HOOK3: variants seen among roughly 807,000 people sequenced by gnomAD.
HOOK3 encodes the protein hook microtubule tethering protein 3, also known as protein Hook homolog 3.
A neutral mutation model predicts 116.3 loss-of-function variants in HOOK3; 24 were observed. That is an observed-to-expected ratio of 0.21 (90% CI 0.15 to 0.29). The LOEUF (loss-of-function observed/expected upper bound fraction) is 0.29, where lower values mean the gene tolerates loss of function less well. Among genes scored for constraint, HOOK3 ranks in the 10% least tolerant of loss-of-function variants. The probability of loss-of-function intolerance (pLI) is 1.00; values close to 1 mark genes in which losing one functional copy is unlikely to be tolerated. For missense variants in HOOK3, 632 were observed against 830.2 expected, an observed-to-expected ratio of 0.76 and a Z score of 2.93; for synonymous variants, 275 against 283.0, an observed-to-expected ratio of 0.97 and a Z score of 0.28.
At chr8:43,015,653 C>T (rs1809697640) in intron 21 of HOOK3, among the ~76,000 whole-genome samples, 1 of 152,188 alleles carries the variant, frequency 6.6e-6, no homozygotes, top group South Asian at 2.1e-4. Flanking sequence ...TCTTCCCTGT[C>T]CTCCTGGAAG....
intron 10 of HOOK3, 94 bp downstream of exon 10, chr8:42,966,707 A>C (rs1247720220): frequency 2.9e-6 from 4 of 1,402,918 alleles, no homozygotes; most frequent in Non-Finnish European, 3.9e-6. Flanking sequence ...GAGCCAGGCT[A>C]CCTGGGCTGG....
intron 3 of HOOK3, among the ~76,000 whole-genome samples, chr8:42,928,459 A>AT (rs1807812741): frequency 6.6e-6 from 1 of 152,134 alleles, no homozygotes; most frequent in East Asian, 1.9e-4. Flanking sequence ...TCAAAAAAAA[A>AT]AAAGATTATT....
Position 42,964,375 on chromosome 8 carries a change from T to C in HOOK3, c.680T>C (p.Leu227Pro). 1.2e-6 allele frequency: 2 copies of C among 1,613,958 alleles called. No individual in the cohort carries two copies. The highest frequency in any genetic ancestry group is 2.2e-5 in the East Asian group (1 of 44,882). ...GAGAATCAGGTATTAATGGAAAGAC[T>C]CAATCAATCTGATTCTATAGAAGAC... ...LAENQVLMERLNQSDSIEDPN... is the reference protein window; with the variant it reads ...LAENQVLMERPNQSDSIEDPN... The change falls in exon 9 of 22, where the codon CTC becomes CCC. Residue 227 changes from leucine (L) to proline (P), a missense_variant. Physicochemically the swap from Leu to Pro is moderately conservative, Grantham distance 98. Coordinates refer to ENST00000307602, the MANE Select transcript of HOOK3 (RefSeq NM_032410.4).
intron 3 of HOOK3, among the ~76,000 whole-genome samples, chr8:42,929,624 GT>G (rs998561602): frequency 2.0e-5 from 3 of 151,362 alleles, no homozygotes; most frequent in Non-Finnish European, 2.9e-5. Context: ...AGAAACAATA[GT>G]TTTTTTTTCT....
chr8:43,013,511 C>T, intron 21 of HOOK3, 111 bp downstream of exon 21: 1 of 859,908 alleles, frequency 1.2e-6, no homozygotes, highest in Non-Finnish European at 1.7e-6. Context: ...AAAGTAACTG[C>T]TATCCTAACA....
chr8:42,992,280 G>T (rs1000180383), intron 15 of HOOK3, among the ~76,000 whole-genome samples: 4 of 149,160 alleles, frequency 2.7e-5, no homozygotes, highest in Non-Finnish European at 5.9e-5. Flanking sequence ...AGCGCCTGTA[G>T]TCCCAACTAC....
Position 42,957,172 on chromosome 8 carries a change from T to C in HOOK3, c.531+16T>C. 5 of 1,503,178 alleles carry C rather than the reference T, an allele frequency of 3.3e-6. No homozygotes were observed. The highest frequency in any genetic ancestry group is 4.6e-6 in the Non-Finnish European group (5 of 1,093,922). The allele number at this position is 1,503,178 out of a possible 1,614,324, so 93.1% of individuals were successfully genotyped here. On this transcript the variant is annotated intron_variant, in intron 7 of 21. Coordinates refer to ENST00000307602, the MANE Select transcript of HOOK3 (RefSeq NM_032410.4). ...TGATCGTCAGGTATATAATTTTACA[T>C]TGTTTTTATTCATGAAAAGGTTGAA...
chr8:42,960,245 G>A (rs564190537), intron 8 of HOOK3, among the ~76,000 whole-genome samples: 17 of 152,268 alleles, frequency 1.1e-4, no homozygotes, highest in Non-Finnish European at 2.2e-4. Context: ...GCTCCTTTAT[G>A]TATTGTCTGT....
chr8:43,012,921 C>A (rs958895788), intron 19 of HOOK3, 130 bp from the exon 20 acceptor site: 2 of 625,732 alleles, frequency 3.2e-6, no homozygotes, highest in Non-Finnish European at 5.4e-6. Flanking sequence ...TTTTAAAATA[C>A]CCTTGTAAGA....
intron 4 of HOOK3, among the ~76,000 whole-genome samples, chr8:42,931,044 A>C (rs1465083076): frequency 6.6e-6 from 1 of 152,158 alleles, no homozygotes; most frequent in African/African-American, 2.4e-5. Flanking sequence ...TGAGAATCAT[A>C]TCCACATTCT....
intron 21 of HOOK3, among the ~76,000 whole-genome samples, chr8:43,017,813 C>T (rs887172941): frequency 6.6e-6 from 1 of 151,438 alleles, no homozygotes; most frequent in Non-Finnish European, 1.5e-5. Context: ...CAAGAAAGAC[C>T]CCCTTCTCTC....
At chr8:42,940,132 C>T (rs889357301) in intron 4 of HOOK3, among the ~76,000 whole-genome samples, 6 of 152,326 alleles carry the variant, frequency 3.9e-5, no homozygotes, top group African/African-American at 1.2e-4. Context: ...CAAGGCAGGC[C>T]GCCGGGAGGT....
rs150384985 is a variant in HOOK3 at position 42,984,189 on chromosome 8, G to A, written c.1391+1493G>A. 9.8e-3 allele frequency among the ~76,000 whole-genome samples: 1,481 copies of A among 151,810 alleles called. 35 individuals are homozygous for A. The highest frequency in any genetic ancestry group is 0.033 in the African/African-American group (1,360 of 41,374). On this transcript the variant is annotated intron_variant, in intron 14 of 21. Transcript: ENST00000307602. ...TCAAGACCAGCCTGACCAACATGGC[G>A]AAACCCTGTCTCTACTAAAAAGTAC...
At chr8:42,954,295 ATATC>A (rs1204907940) in intron 6 of HOOK3, among the ~76,000 whole-genome samples, 2 of 152,244 alleles carry the variant, frequency 1.3e-5, no homozygotes, top group African/African-American at 2.4e-5. Flanking sequence ...AACAGGTGGT[ATATC>A]TATAACCAGG....
chr8:42,958,066 T>C (rs2130409395), intron 7 of HOOK3, among the ~76,000 whole-genome samples: 1 of 152,248 alleles, frequency 6.6e-6, no homozygotes, highest in East Asian at 1.9e-4. Flanking sequence ...TCTCCTGACC[T>C]TGTGATCCAC....
intron 11 of HOOK3, among the ~76,000 whole-genome samples, chr8:42,972,858 C>G (rs1250950152): frequency 6.6e-6 from 1 of 152,116 alleles, no homozygotes; most frequent in Non-Finnish European, 1.5e-5. Context: ...TTCCTGTTAT[C>G]GGCAGTTGAC....
At chr8:42,990,323 ATCTTTTTTTT>A (rs1563308903) in intron 15 of HOOK3, among the ~76,000 whole-genome samples, 12 of 59,388 alleles carry the variant, frequency 2.0e-4, no homozygotes, top group Non-Finnish European at 2.4e-4. Context: ...ATCTGTTTAG[ATCTTTTTTTT>A]TTTTTTTTTT....
intron 2 of HOOK3, among the ~76,000 whole-genome samples, chr8:42,919,113 G>A (rs540216836): frequency 8.6e-4 from 130 of 151,592 alleles, no homozygotes; most frequent in African/African-American, 3.0e-3. Flanking sequence ...CAGACAGGGC[G>A]GCTGCCGGGT....
At chr8:42,984,368 C>G (rs571302606) in intron 14 of HOOK3, among the ~76,000 whole-genome samples, 5 of 121,790 alleles carry the variant, frequency 4.1e-5, no homozygotes, top group Non-Finnish European at 8.8e-5. Context: ...AACTCCATCT[C>G]AAAAAAAAAA....
Sources: allele counts gnomAD v4.1 joint callset (sites outside exome capture counted in the v4.1 genomes callset), GRCh38; gene constraint gnomAD v4.1.1; transcripts MANE v1.5; gene names NCBI Gene and HGNC (gene_info 2026-07-23, HGNC 2026-07-21).